Variants in NEBL observed in about 807,000 individuals in gnomAD.
The protein encoded by NEBL is LIM and SH3 protein 2.
In NEBL, 122 loss-of-function variants were observed where a neutral mutation model predicts 140.2. The ratio of observed to expected loss-of-function variants is 0.87; its 90% CI spans 0.75 to 1.01. The LOEUF is 1.01. Ranked by LOEUF, NEBL falls within the 50% of genes least tolerant of loss-of-function variation. The pLI, the probability that NEBL is intolerant of heterozygous loss-of-function variation, is 0.00. For missense variants in NEBL, 1,365 were observed against 1,231.3 expected, an observed-to-expected ratio of 1.11 and a Z score of -1.62; for synonymous variants, 436 against 398.9, an observed-to-expected ratio of 1.09 and a Z score of -1.11.
At chr10:20,842,946 A>C (rs570941115) in intron 12 of NEBL, among the ~76,000 whole-genome samples, 1 of 152,136 alleles carries the variant, frequency 6.6e-6, no homozygotes, top group South Asian at 2.1e-4. Context: ...TCCACATAAA[A>C]GTGAGAATAT....
chr10:21,255,138 A>G (rs1842639821), intron 1 of NEBL, among the ~76,000 whole-genome samples: 1 of 152,030 alleles, frequency 6.6e-6, no homozygotes, highest in Non-Finnish European at 1.5e-5. Context: ...CTTCATCCAC[A>G]CCAGTCCCTG....
chr10:21,080,294 ACT>A (rs775336476), intron 2 of NEBL, among the ~76,000 whole-genome samples: 3 of 152,160 alleles, frequency 2.0e-5, no homozygotes, highest in Non-Finnish European at 4.4e-5. Flanking sequence ...ACTGCTCAAA[ACT>A]CTGTGAAAAT....
intron 2 of NEBL, chr10:21,113,507 T>C: frequency 3.8e-6 from 1 of 261,554 alleles, no homozygotes; most frequent in Non-Finnish European, 7.3e-6. Context: ...TTCAAGAAAA[T>C]AGTGTTAACA....
chr10:21,169,067 A>ATATATATATATAT (rs1554830680), intron 2 of NEBL, among the ~76,000 whole-genome samples: 3 of 23,072 alleles, frequency 1.3e-4, no homozygotes, highest in Non-Finnish European at 1.7e-4. Context: ...AAAAAAAAAA[A>ATATATATATATAT]ATATATATAT....
At position 20,780,101 on chromosome 10, in the gene NEBL, T is replaced by C. The variant is rs1834930291; in HGVS notation, c.*5646A>G. The C allele has an allele frequency of 6.6e-6, 1 of 152,152 alleles. No individual in the cohort carries two copies. Among genetic ancestry groups the C allele is most frequent in the African/African-American group, 2.4e-5 (1 of 41,432 alleles). The allele number at this position is 152,152 out of a possible 1,614,324, so 9.4% of individuals were successfully genotyped here. A position where few individuals can be genotyped will look rare whatever the true frequency, so the allele number is the denominator to read the frequency against. On this transcript the variant is annotated 3_prime_UTR_variant, in exon 28 of 28. Coordinates refer to ENST00000377122, the MANE Select transcript of NEBL (RefSeq NM_006393.3). ...CAATAAGACTAGCATCCAAATCGCA[T>C]AGATTTATATGAGTGTGAAAAATAG...
In NEBL at chr10:20,783,754, T is replaced by G. The variant is rs1267913439; in HGVS notation, c.*1993A>C. On this transcript the variant is annotated 3_prime_UTR_variant, in exon 28 of 28. Coordinates refer to ENST00000377122, the MANE Select transcript of NEBL (RefSeq NM_006393.3). The stretch of plus-strand genomic sequence containing the variant: ...TATCCTCAGTTTTAACGACAGATTT[T>G]TTTGCAAAAATATTGCAAGTTCAGT... The G allele has an allele frequency of 6.6e-6, 1 of 152,604 alleles. No individual in the cohort carries two copies. Among genetic ancestry groups the G allele is most frequent in the African/African-American group, 2.4e-5 (1 of 41,456 alleles). The allele number at this position is 152,604 out of a possible 1,614,324, so 9.5% of individuals were successfully genotyped here.
intron 2 of NEBL, among the ~76,000 whole-genome samples, chr10:21,149,994 C>T (rs1158619475): frequency 1.3e-5 from 2 of 152,180 alleles, no homozygotes; most frequent in African/African-American, 4.8e-5. Flanking sequence ...GTTTTTTCCA[C>T]TCAGAACTCT....
chr10:21,102,423 C>T (rs941725346), intron 2 of NEBL, among the ~76,000 whole-genome samples: 2 of 152,188 alleles, frequency 1.3e-5, no homozygotes, highest in African/African-American at 2.4e-5. Context: ...ATGCATTCCC[C>T]ATCCTTACCC....
At chr10:21,114,530 T>C (rs1003503605) in intron 2 of NEBL, among the ~76,000 whole-genome samples, 1 of 152,114 alleles carries the variant, frequency 6.6e-6, no homozygotes, top group Non-Finnish European at 1.5e-5. Flanking sequence ...TGTTGAAATC[T>C]CCACCTAAAT....
At chr10:20,930,777 C>T (rs1447064556) in intron 4 of NEBL, among the ~76,000 whole-genome samples, 1 of 152,214 alleles carries the variant, frequency 6.6e-6, no homozygotes, top group Admixed American at 6.5e-5. Flanking sequence ...TTCTAATCCT[C>T]TTTTACCACA....
Position 20,886,801 on chromosome 10 carries a change from C to T in NEBL, c.369+1296G>A, listed in dbSNP as rs1051516099. ...GACTGGGATAAATACACGTGAAATG[C>T]ATAGAACAACTTCTGTGTGTTTACT... On this transcript the variant is annotated intron_variant, in intron 4 of 27. Transcript: ENST00000377122. Among the ~76,000 whole-genome samples the T allele has an allele frequency of 2.6e-5, 4 of 152,278 alleles. No homozygotes were observed. In the East Asian group the frequency reaches 5.8e-4, roughly 22 times the overall value.
chr10:21,006,274 A>G (rs1387570570), intron 3 of NEBL, among the ~76,000 whole-genome samples: 1 of 152,182 alleles, frequency 6.6e-6, no homozygotes, highest in African/African-American at 2.4e-5. Flanking sequence ...TATGCTGATA[A>G]TTTTGTTTCC....
chr10:21,113,025 A>C (rs1173643074), intron 2 of NEBL: 1 of 233,284 alleles, frequency 4.3e-6, no homozygotes, highest in African/African-American at 2.4e-5. Flanking sequence ...CTCCTGAAGA[A>C]GAAGGAGGAG....
At chr10:21,140,925 T>C (rs1449728204) in intron 2 of NEBL, among the ~76,000 whole-genome samples, 1 of 151,912 alleles carries the variant, frequency 6.6e-6, no homozygotes, top group East Asian at 1.9e-4. Context: ...AACCTGCATG[T>C]TCTGCACATG....
At chr10:21,231,168 G>A (rs1055551534) in intron 3 of NEBL, among the ~76,000 whole-genome samples, 1 of 152,186 alleles carries the variant, frequency 6.6e-6, no homozygotes, top group African/African-American at 2.4e-5. Flanking sequence ...TGGATGCAGT[G>A]ATGAACAAGA....
At chr10:20,817,564 G>C (rs773236768) in intron 21 of NEBL, 36 bp downstream of exon 21, 7 of 1,473,782 alleles carry the variant, frequency 4.7e-6, no homozygotes, top group Middle Eastern at 1.7e-4. Flanking sequence ...CAATGCATTT[G>C]ATAGTGTAAG....
chr10:20,947,033 C>T (rs921949182), intron 4 of NEBL, among the ~76,000 whole-genome samples: 1 of 152,124 alleles, frequency 6.6e-6, no homozygotes, highest in African/African-American at 2.4e-5. Flanking sequence ...ACCAGGAGTA[C>T]AGGGTGCATC....
intron 3 of NEBL, among the ~76,000 whole-genome samples, chr10:21,196,313 T>TTTCA (rs1554832543): frequency 3.6e-5 from 5 of 140,538 alleles, no homozygotes; most frequent in African/African-American, 1.3e-4. Context: ...ATATTTTTAT[T>TTTCA]TTTATTTATT....
At chr10:20,955,975 T>C (rs1164448319) in intron 4 of NEBL, among the ~76,000 whole-genome samples, 2 of 152,076 alleles carry the variant, frequency 1.3e-5, no homozygotes, top group Non-Finnish European at 2.9e-5. Context: ...AAACCTCCCC[T>C]TTAGACAATG....
Sources: gnomAD v4.1 joint callset for allele counts (sites outside exome capture counted in the v4.1 genomes callset) on GRCh38, gnomAD v4.1.1 for gene constraint, MANE v1.5 for transcripts, NCBI Gene and HGNC (gene_info 2026-07-23, HGNC 2026-07-21) for gene names.